Variants in EXT1 observed in about 807,000 individuals in gnomAD.
EXT1 encodes the protein exostosin-1.
In EXT1, 20 loss-of-function variants were observed where a neutral mutation model predicts 82.5. The ratio of observed to expected loss-of-function variants is 0.24; its 90% CI spans 0.17 to 0.35. The LOEUF is 0.35. Among genes scored for constraint, EXT1 ranks in the 10% least tolerant of loss-of-function variants. The pLI is 1.00. For synonymous variants in EXT1, 348 were observed against 350.8 expected (o/e 0.99, Z 0.09); for missense variants, 757 against 936.5 (o/e 0.81, Z 2.50).
chr8:117,908,011 A>G (rs987794957), intron 1 of EXT1, among the ~76,000 whole-genome samples: 11 of 152,226 alleles, frequency 7.2e-5, no homozygotes, highest in Non-Finnish European at 1.5e-5. Context: ...TAAACATCGG[A>G]TACATTTCTA....
At chr8:117,873,497 C>T (rs373960424) in intron 1 of EXT1, among the ~76,000 whole-genome samples, 16 of 146,354 alleles carry the variant, frequency 1.1e-4, no homozygotes, top group African/African-American at 4.1e-4. Flanking sequence ...GCTCTGTCAC[C>T]CAGGCTGGAG....
chr8:117,998,576 T>C (rs1370127423), intron 1 of EXT1, among the ~76,000 whole-genome samples: 1 of 152,188 alleles, frequency 6.6e-6, no homozygotes, highest in Non-Finnish European at 1.5e-5. Flanking sequence ...GCATGAACTA[T>C]TGTGCCCAGC....
At chr8:117,910,007 G>T (rs1368468034) in intron 1 of EXT1, among the ~76,000 whole-genome samples, 1 of 152,104 alleles carries the variant, frequency 6.6e-6, no homozygotes, top group Admixed American at 6.6e-5. Context: ...ACTTCAAGTG[G>T]TCCACCCGTG....
At chr8:117,822,734 T>A (rs2129750155) in intron 4 of EXT1, 137 bp from the exon 5 acceptor site, 2 of 888,624 alleles carry the variant, frequency 2.3e-6, no homozygotes, top group South Asian at 1.4e-5. Flanking sequence ...ATTCTCCGGA[T>A]AAAAATGTCT....
chr8:117,937,768 G>A (rs1814195210), intron 1 of EXT1, among the ~76,000 whole-genome samples: 1 of 152,232 alleles, frequency 6.6e-6, no homozygotes. Flanking sequence ...TGGATTCAGT[G>A]AGAGAGAAGG....
chr8:117,960,068 G>A (rs1475099364), intron 1 of EXT1, among the ~76,000 whole-genome samples: 4 of 152,064 alleles, frequency 2.6e-5, no homozygotes, highest in South Asian at 2.1e-4. Flanking sequence ...AAAATTAGCC[G>A]GGTGTGGTGG....
At chr8:117,907,577 A>G (rs1813566015) in intron 1 of EXT1, among the ~76,000 whole-genome samples, 1 of 152,238 alleles carries the variant, frequency 6.6e-6, no homozygotes, top group Admixed American at 6.5e-5. Flanking sequence ...GGAAAGTTCC[A>G]TTAATTGTTA....
chr8:117,932,253 A>G (rs2129651441), intron 1 of EXT1, among the ~76,000 whole-genome samples: 1 of 152,318 alleles, frequency 6.6e-6, no homozygotes, highest in Non-Finnish European at 1.5e-5. Flanking sequence ...GGAACTTCAA[A>G]GCTTTGCTTG....
intron 8 of EXT1, among the ~76,000 whole-genome samples, chr8:117,811,618 A>ATTTTTTTTTTTTT (rs111956885): frequency 7.0e-6 from 1 of 143,054 alleles, no homozygotes. Flanking sequence ...CATCTATGGA[A>ATTTTTTTTTTTTT]TTTTTTTTTT....
chr8:117,838,283 C>T (rs187549524), intron 1 of EXT1, among the ~76,000 whole-genome samples: 143 of 152,294 alleles, frequency 9.4e-4, no homozygotes, highest in African/African-American at 3.2e-3. Flanking sequence ...CTCTAATAGT[C>T]TAATTTAATC....
intron 3 of EXT1, 125 bp from the exon 4 acceptor site, chr8:117,830,474 C>T: frequency 2.9e-6 from 3 of 1,029,980 alleles, no homozygotes; most frequent in Non-Finnish European, 4.2e-6. Flanking sequence ...TATAGATCTA[C>T]TAAAAATCAT....
chr8:118,004,265 T>A (rs1344447936), intron 1 of EXT1, among the ~76,000 whole-genome samples: 1 of 152,364 alleles, frequency 6.6e-6, no homozygotes, highest in Non-Finnish European at 1.5e-5. Context: ...TCCATGTTCA[T>A]ATGCATGGAG....
intron 1 of EXT1, among the ~76,000 whole-genome samples, chr8:117,931,935 G>A (rs1354835169): frequency 6.6e-6 from 1 of 152,136 alleles, no homozygotes. Flanking sequence ...AGTAATTATG[G>A]ACCATATATG....
chr8:117,868,642 G>T (rs1812815024), intron 1 of EXT1, among the ~76,000 whole-genome samples: 1 of 151,854 alleles, frequency 6.6e-6, no homozygotes, highest in African/African-American at 2.4e-5. Flanking sequence ...TAGAGACGAG[G>T]TCCCACTATG....
chr8:118,066,364 A>ATTTATTTATTTTTTTTTTTT (rs1170648035), intron 1 of EXT1, among the ~76,000 whole-genome samples: 1 of 149,916 alleles, frequency 6.7e-6, no homozygotes, highest in Non-Finnish European at 1.5e-5. Context: ...TTATTTATTT[A>ATTTATTTATTTTTTTTTTTT]TTTATTTATT....
chr8:117,818,227 A>G (rs1444923268), intron 7 of EXT1, among the ~76,000 whole-genome samples: 1 of 152,236 alleles, frequency 6.6e-6, no homozygotes, highest in Non-Finnish European at 1.5e-5. Context: ...AAGGTCACAA[A>G]GCTATAAAAG....
At chr8:117,931,882 GA>G (rs1396431946) in intron 1 of EXT1, among the ~76,000 whole-genome samples, 1 of 152,126 alleles carries the variant, frequency 6.6e-6, no homozygotes, top group Non-Finnish European at 1.5e-5. Context: ...TTGATCACTT[GA>G]AATGTTCTGT....
chr8:117,974,148 T>C (rs1007239182), intron 1 of EXT1, among the ~76,000 whole-genome samples: 2 of 152,196 alleles, frequency 1.3e-5, no homozygotes, highest in Admixed American at 6.5e-5. Context: ...ATTAATTAAA[T>C]ATATGAAACA....
intron 1 of EXT1, among the ~76,000 whole-genome samples, chr8:117,900,169 C>T (rs1200367664): frequency 6.6e-6 from 1 of 152,136 alleles, no homozygotes; most frequent in African/African-American, 2.4e-5. Flanking sequence ...GCAGAAAAGT[C>T]CTGCCTAGAG....
Sources: gnomAD v4.1 joint callset for allele counts (sites outside exome capture counted in the v4.1 genomes callset) on GRCh38, gnomAD v4.1.1 for gene constraint, MANE v1.5 for transcripts, NCBI Gene and HGNC (gene_info 2026-07-23, HGNC 2026-07-21) for gene names.